BRAF: variants seen among roughly 807,000 people sequenced by gnomAD.
BRAF encodes the protein serine/threonine-protein kinase B-raf.
BRAF carries 16 observed loss-of-function variants against 104.6 expected under a neutral mutation model. The ratio of observed to expected loss-of-function variants is 0.15; its 90% CI spans 0.10 to 0.23. BRAF has a LOEUF of 0.23. Among genes scored for constraint, BRAF ranks in the 10% least tolerant of loss-of-function variants. The pLI is 1.00. For missense variants in BRAF, 541 were observed against 937.3 expected (o/e 0.58, Z 5.52); for synonymous variants, 310 against 341.6 (o/e 0.91, Z 1.02).
intron 1 of BRAF, among the ~76,000 whole-genome samples, chr7:140,923,787 G>A (rs1262683642): frequency 2.0e-5 from 3 of 152,096 alleles, no homozygotes; most frequent in Non-Finnish European, 2.9e-5. Context: ...AGAGGACCAG[G>A]GTAAGAGAAG....
chr7:140,761,637 G>A (rs1318736445), intron 14 of BRAF, among the ~76,000 whole-genome samples: 3 of 151,964 alleles, frequency 2.0e-5, no homozygotes, highest in African/African-American at 7.3e-5. Flanking sequence ...CTGCATACAG[G>A]AAACCCATCT....
chr7:140,816,855 T>C (rs1478765062), intron 3 of BRAF, among the ~76,000 whole-genome samples: 2 of 151,922 alleles, frequency 1.3e-5, no homozygotes, highest in Admixed American at 6.6e-5. Flanking sequence ...GCTAGAATCA[T>C]AATTAATGAA....
chr7:140,826,622 G>A (rs1234643955), intron 3 of BRAF, among the ~76,000 whole-genome samples: 1 of 152,106 alleles, frequency 6.6e-6, no homozygotes, highest in African/African-American at 2.4e-5. Context: ...CTACATGGTA[G>A]TTACACATGT....
intron 14 of BRAF, among the ~76,000 whole-genome samples, chr7:140,759,280 C>T (rs1012511552): frequency 6.6e-6 from 1 of 152,216 alleles, no homozygotes; most frequent in African/African-American, 2.4e-5. Context: ...AAACTGCCAA[C>T]CTGATCCCTA....
At chr7:140,739,753 C>A (rs1796753962) in intron 18 of BRAF, 59 bp downstream of exon 17, 3 of 1,604,038 alleles carry the variant, frequency 1.9e-6, no homozygotes, top group African/African-American at 2.7e-5. Context: ...AAAAAGTGCT[C>A]AGAAATCTGT....
chr7:140,816,694 C>CA (rs1804917223), intron 3 of BRAF, among the ~76,000 whole-genome samples: 1 of 151,988 alleles, frequency 6.6e-6, no homozygotes, highest in Admixed American at 6.5e-5. Context: ...ACTTACAGTA[C>CA]ATTTACTCAG....
At chr7:140,773,109 G>A (rs1270776085) in intron 14 of BRAF, among the ~76,000 whole-genome samples, 1 of 152,082 alleles carries the variant, frequency 6.6e-6, no homozygotes, top group Non-Finnish European at 1.5e-5. Context: ...TTTTGGAGGT[G>A]GGGTGAGGCA....
Position 140,725,626 on chromosome 7 carries a change from A to T in BRAF, c.*868T>A, listed in dbSNP as rs1414438188. The T allele has an allele frequency of 9.4e-7, 1 of 1,058,318 alleles. No homozygotes were observed. The highest frequency in any genetic ancestry group is 1.1e-6 in the Non-Finnish European group (1 of 875,022). The allele number at this position is 1,058,318 out of a possible 1,614,324, so 65.6% of individuals were successfully genotyped here. A position where few individuals can be genotyped will look rare whatever the true frequency, so the allele number is the denominator to read the frequency against. ...GTGCCCTGGACAAAGTAGCCGCATA[A>T]GTAGTTGGTGACTGGAAGAGCATAG... On this transcript the variant is annotated 3_prime_UTR_variant, in exon 20 of 20. Coordinates refer to ENST00000644969, the MANE Select transcript of BRAF (RefSeq NM_001374258.1).
chr7:140,824,606 C>T (rs921149204), intron 3 of BRAF, among the ~76,000 whole-genome samples: 64 of 151,610 alleles, frequency 4.2e-4, no homozygotes, highest in Non-Finnish European at 8.1e-4. Context: ...ATACGGGATT[C>T]CTTGAGATAC....
chr7:140,827,518 T>C (rs1373723495), intron 3 of BRAF, among the ~76,000 whole-genome samples: 1 of 152,190 alleles, frequency 6.6e-6, no homozygotes, highest in East Asian at 1.9e-4. Context: ...TCAAAGACAG[T>C]CAAGTTTATT....
At position 140,875,564 on chromosome 7, in the gene BRAF, G is replaced by A. The variant is rs188517050; in HGVS notation, c.139-25352C>T. Among the ~76,000 whole-genome samples the A allele has an allele frequency of 1.8e-4, 28 of 152,318 alleles. No homozygotes were observed. In the East Asian group the frequency reaches 3.9e-3, roughly 21 times the overall value. ...CTAAGTTTTTTGTACTTTTAGTACAGACAGGGTTTCACTATGTTGGCCAGG... is the reference window on the plus strand; with the variant it reads ...CTAAGTTTTTTGTACTTTTAGTACAAACAGGGTTTCACTATGTTGGCCAGG... On this transcript the variant is annotated intron_variant, in intron 1 of 19. Transcript: ENST00000644969.
At chr7:140,774,995 G>A (rs762051185) in intron 14 of BRAF, among the ~76,000 whole-genome samples, 6 of 152,128 alleles carry the variant, frequency 3.9e-5, no homozygotes, top group Non-Finnish European at 7.3e-5. Context: ...CTCTCATACA[G>A]CCTGCATTCT....
intron 14 of BRAF, chr7:140,773,243 A>G (rs1800018285): frequency 6.6e-6 from 1 of 152,154 alleles, no homozygotes; most frequent in Non-Finnish European, 1.5e-5. Context: ...CGATACTCTT[A>G]CTTAGACTAA....
chr7:140,891,675 C>A (rs1262839616), intron 1 of BRAF, among the ~76,000 whole-genome samples: 4 of 151,900 alleles, frequency 2.6e-5, no homozygotes, highest in African/African-American at 9.7e-5. Flanking sequence ...GGCATTAAAT[C>A]CCAAATAGCA....
chr7:140,801,556 C>T lies in BRAF; in HGVS notation c.716G>A (p.Arg239Gln), dbSNP rs1803114864. 1 of 1,611,680 alleles carries T rather than the reference C, an allele frequency of 6.2e-7. No individual in the cohort carries two copies. Among genetic ancestry groups the T allele is most frequent in the African/African-American group, 1.3e-5 (1 of 74,770 alleles). The part of the protein sequence containing the change: ...NVPLTTHNFV[R>Q]KTFFTLAFCD... ...AAATGCTAAGGTGAAAAACGTTTTT[C>T]GTACCTGCAAAGTAAAAAATCACAG... The change falls in exon 6 of 20, where the codon CGA becomes CAA. Residue 239 changes from arginine (R) to glutamine (Q), a missense_variant. Coordinates refer to ENST00000644969, the MANE Select transcript of BRAF (RefSeq NM_001374258.1).
intron 12 of BRAF, chr7:140,780,877 C>G (rs549177541): frequency 6.6e-6 from 1 of 152,112 alleles, no homozygotes; most frequent in African/African-American, 2.4e-5. Context: ...ATTTGCAATT[C>G]TTTGATAACT....
At chr7:140,880,640 T>C (rs948798562) in intron 1 of BRAF, among the ~76,000 whole-genome samples, 1 of 152,178 alleles carries the variant, frequency 6.6e-6, no homozygotes, top group African/African-American at 2.4e-5. Context: ...TAATAAAAGA[T>C]ACTTCTTAAA....
At chr7:140,790,615 C>T (rs774013546) in intron 8 of BRAF, among the ~76,000 whole-genome samples, 43 of 152,148 alleles carry the variant, frequency 2.8e-4, no homozygotes, top group Non-Finnish European at 6.0e-4. Flanking sequence ...AAATAATTTG[C>T]CCAACATCAC....
chr7:140,780,021 C>T (rs1800710488), intron 12 of BRAF: 1 of 152,106 alleles, frequency 6.6e-6, no homozygotes. Context: ...TGATTTTCCT[C>T]AATTATCAAA....
Sources: allele counts gnomAD v4.1 joint callset (sites outside exome capture counted in the v4.1 genomes callset), GRCh38; gene constraint gnomAD v4.1.1; transcripts MANE v1.5; gene names NCBI Gene and HGNC (gene_info 2026-07-23, HGNC 2026-07-21).